The following CNTNAP2 variants were observed in gnomAD, a reference collection of about 807,000 sequenced individuals.
The protein encoded by CNTNAP2 is contactin-associated protein-like 2.
A neutral mutation model predicts 155.2 loss-of-function variants in CNTNAP2; 98 were observed. That is an observed-to-expected ratio of 0.63 (90% CI 0.54 to 0.75). CNTNAP2 has a LOEUF of 0.75. Among genes scored for constraint, CNTNAP2 ranks in the 30% least tolerant of loss-of-function variants. The pLI is 0.00. For missense variants in CNTNAP2, 1,727 were observed against 1,688.1 expected, an observed-to-expected ratio of 1.02 and a Z score of -0.40; for synonymous variants, 651 against 631.2, an observed-to-expected ratio of 1.03 and a Z score of -0.47.
At chr7:148,294,522 A>G (rs1797246417) in intron 21 of CNTNAP2, among the ~76,000 whole-genome samples, 1 of 152,206 alleles carries the variant, frequency 6.6e-6, no homozygotes, top group Non-Finnish European at 1.5e-5. Flanking sequence ...TTTAGGGTGA[A>G]GGAGCAACGC....
At chr7:147,824,848 G>A (rs1287597829) in intron 13 of CNTNAP2, among the ~76,000 whole-genome samples, 1 of 152,028 alleles carries the variant, frequency 6.6e-6, no homozygotes, top group Non-Finnish European at 1.5e-5. Context: ...GGGGACACTA[G>A]AAACAAAAGA....
intron 1 of CNTNAP2, among the ~76,000 whole-genome samples, chr7:146,408,342 G>A (rs761986848): frequency 6.6e-6 from 1 of 152,058 alleles, no homozygotes; most frequent in Non-Finnish European, 1.5e-5. Context: ...TGCAAAAAAT[G>A]TACACAACAA....
intron 15 of CNTNAP2, among the ~76,000 whole-genome samples, chr7:148,085,400 T>C (rs965067502): frequency 6.6e-6 from 1 of 152,202 alleles, no homozygotes; most frequent in Non-Finnish European, 1.5e-5. Context: ...CTTTTCAAAA[T>C]AGTTTTTTAT....
At chr7:147,667,488 C>T (rs181755302) in intron 13 of CNTNAP2, among the ~76,000 whole-genome samples, 7 of 152,132 alleles carry the variant, frequency 4.6e-5, no homozygotes, top group South Asian at 2.1e-4. Context: ...TCACTAAACA[C>T]GCACTGCTGG....
Position 148,344,610 on chromosome 7 carries a change from T to C in CNTNAP2, c.3476-39039T>C, listed in dbSNP as rs1798290387. Among the ~76,000 whole-genome samples the C allele has an allele frequency of 2.6e-5, 4 of 152,198 alleles. No homozygotes were observed. The South Asian group carries it at 8.3e-4, about 32-fold the overall frequency. On this transcript the variant is annotated intron_variant, in intron 21 of 23. Coordinates refer to ENST00000361727, the MANE Select transcript of CNTNAP2 (RefSeq NM_014141.6). ...GAGGCATTTCACAGGGCTGGGTCTTTTGTTCCTTGCCGTCCATTCAATATG... is the reference window on the plus strand; with the variant it reads ...GAGGCATTTCACAGGGCTGGGTCTTCTGTTCCTTGCCGTCCATTCAATATG...
chr7:147,223,152 T>G (rs1375940189), intron 8 of CNTNAP2, among the ~76,000 whole-genome samples: 1 of 152,208 alleles, frequency 6.6e-6, no homozygotes, highest in African/African-American at 2.4e-5. Flanking sequence ...ACTCTCAGAC[T>G]CCTTCATACT....
At chr7:147,305,324 G>A (rs1795008819) in intron 9 of CNTNAP2, among the ~76,000 whole-genome samples, 1 of 152,196 alleles carries the variant, frequency 6.6e-6, no homozygotes, top group Non-Finnish European at 1.5e-5. Context: ...ATTAGGGGAT[G>A]TGGTTATCAG....
At chr7:146,719,723 A>AT (rs11287281) in intron 1 of CNTNAP2, among the ~76,000 whole-genome samples, 2,354 of 147,824 alleles carry the variant, frequency 0.016, 52 homozygotes, top group African/African-American at 0.05. Context: ...CTCTTTCTCC[A>AT]TTTTTTTTTT....
chr7:146,686,455 C>A (rs911547428), intron 1 of CNTNAP2, among the ~76,000 whole-genome samples: 9 of 152,082 alleles, frequency 5.9e-5, no homozygotes, highest in African/African-American at 2.2e-4. Context: ...CAGTTACCAA[C>A]AAATATTTAT....
intron 8 of CNTNAP2, among the ~76,000 whole-genome samples, chr7:147,149,812 A>C (rs1051131404): frequency 6.6e-5 from 10 of 152,228 alleles, no homozygotes; most frequent in Non-Finnish European, 1.2e-4. Context: ...AAAGCATTGC[A>C]TAATCCAGGA....
chr7:147,606,057 T>C (rs747558776), intron 12 of CNTNAP2, among the ~76,000 whole-genome samples: 3 of 152,110 alleles, frequency 2.0e-5, no homozygotes, highest in Non-Finnish European at 2.9e-5. Context: ...AAAAACAGCC[T>C]GTTCACCGTT....
At chr7:146,815,727 G>A (rs779178685) in intron 2 of CNTNAP2, among the ~76,000 whole-genome samples, 4 of 151,948 alleles carry the variant, frequency 2.6e-5, no homozygotes, top group East Asian at 1.9e-4. Context: ...CCCTGTGCAC[G>A]TTTTGAAGAT....
intron 1 of CNTNAP2, among the ~76,000 whole-genome samples, chr7:146,202,244 T>C (rs1471691520): frequency 6.6e-6 from 1 of 152,088 alleles, no homozygotes; most frequent in African/African-American, 2.4e-5. Flanking sequence ...CCAGTAACAG[T>C]GTAGAAGAGT....
At chr7:147,699,154 A>G (rs541786720) in intron 13 of CNTNAP2, among the ~76,000 whole-genome samples, 91 of 151,914 alleles carry the variant, frequency 6.0e-4, no homozygotes, top group African/African-American at 2.1e-3. Context: ...AAGAATAAAT[A>G]TATATAAAGG....
At chr7:146,245,652 G>C (rs968168077) in intron 1 of CNTNAP2, among the ~76,000 whole-genome samples, 2 of 152,096 alleles carry the variant, frequency 1.3e-5, no homozygotes, top group African/African-American at 4.8e-5. Context: ...CGATCAGCAA[G>C]GAAAGCACGT....
At chr7:147,791,761 T>C (rs1269063582) in intron 13 of CNTNAP2, among the ~76,000 whole-genome samples, 1 of 152,116 alleles carries the variant, frequency 6.6e-6, no homozygotes, top group Non-Finnish European at 1.5e-5. Context: ...TCTGTACTCA[T>C]TGAGCTCTTA....
At chr7:148,154,238 A>C (rs1188870476) in intron 17 of CNTNAP2, among the ~76,000 whole-genome samples, 6 of 152,236 alleles carry the variant, frequency 3.9e-5, no homozygotes, top group Admixed American at 3.9e-4. Context: ...GGACTCAGAG[A>C]CTACCTGAGA....
intron 13 of CNTNAP2, among the ~76,000 whole-genome samples, chr7:147,771,809 G>C (rs183656445): frequency 2.6e-5 from 4 of 151,360 alleles, no homozygotes; most frequent in African/African-American, 4.9e-5. Context: ...TCTTAATGTT[G>C]ACATAAATTT....
At chr7:147,471,543 A>G (rs1403652302) in intron 10 of CNTNAP2, among the ~76,000 whole-genome samples, 1 of 152,248 alleles carries the variant, frequency 6.6e-6, no homozygotes, top group African/African-American at 2.4e-5. Context: ...ATGTTTAAGT[A>G]TTGTCGTGTC....
Sources: allele counts gnomAD v4.1 joint callset (sites outside exome capture counted in the v4.1 genomes callset), GRCh38; gene constraint gnomAD v4.1.1; transcripts MANE v1.5; gene names NCBI Gene and HGNC (gene_info 2026-07-23, HGNC 2026-07-21).